The following PROX1 variants were observed in gnomAD, a reference collection of about 807,000 sequenced individuals.
PROX1 encodes prospero homeobox protein 1.
Under a neutral mutation model 58.8 loss-of-function variants are expected in PROX1, and 7 were observed. The ratio of observed to expected loss-of-function variants is 0.12; its 90% confidence interval spans 0.07 to 0.22. The LOEUF is 0.22. Ranked by LOEUF, PROX1 falls within the 10% of genes least tolerant of loss-of-function variation. The probability of loss-of-function intolerance (pLI) is 1.00; values close to 1 mark genes in which losing one functional copy is unlikely to be tolerated. For missense variants in PROX1, 675 were observed against 927.8 expected (o/e 0.73, Z 3.54); for synonymous variants, 350 against 358.3 (o/e 0.98, Z 0.26).
chr1:214,040,840 T>TGCATAATTTGCATATA lies in PROX1; in HGVS notation c.*5007_*5008insCATAATTTGCATATAG, dbSNP rs1478194758. 6.6e-6 allele frequency: 1 copy of TGCATAATTTGCATATA among 152,156 alleles called. No homozygotes were observed. The highest frequency in any genetic ancestry group is 1.5e-5 in the Non-Finnish European group (1 of 67,988). The allele number at this position is 152,156 out of a possible 1,614,324, so 9.4% of individuals were successfully genotyped here. On this transcript the variant is annotated 3_prime_UTR_variant, in exon 5 of 5. Transcript: ENST00000366958. Reference sequence around the variant, plus strand: ...GTTCTGAAGACTTTGCATAATTTATTGGTTTAATTTATCCTAATTTATTTG... The same window carrying TGCATAATTTGCATATA: ...GTTCTGAAGACTTTGCATAATTTATTGCATAATTTGCATATAGGTTTAATTTATCCTAATTTATTTG...
intron 4 of PROX1, among the ~76,000 whole-genome samples, chr1:214,019,919 C>T (rs1311667244): frequency 6.6e-6 from 1 of 152,198 alleles, no homozygotes; most frequent in African/African-American, 2.4e-5. Flanking sequence ...TCCTCGACTT[C>T]TGAACTCCAG....
At chr1:213,985,163 G>A (rs969276868), upstream of PROX1, 2 of 152,250 alleles carry the variant, frequency 1.3e-5, no homozygotes, top group Non-Finnish European at 2.9e-5. Flanking sequence ...TGGAAGTGGG[G>A]CGGAGGGAGG....
intron 1 of PROX1, among the ~76,000 whole-genome samples, chr1:213,991,546 C>T (rs1029468855): frequency 1.3e-5 from 2 of 152,130 alleles, no homozygotes; most frequent in Admixed American, 6.5e-5. Context: ...GTGCTTGGCA[C>T]TTATTGATAT....
upstream of PROX1, chr1:213,986,391 T>TC (rs1662826033): frequency 6.6e-6 from 1 of 152,206 alleles, no homozygotes; most frequent in South Asian, 2.1e-4. Flanking sequence ...GCCAAAAGTT[T>TC]CCTGCCGGGA....
At chr1:214,029,965 CA>C in intron 4 of PROX1, 1 of 152,662 alleles carries the variant, frequency 6.6e-6, no homozygotes, top group South Asian at 2.1e-4. Flanking sequence ...ATACCCGTAA[CA>C]AAAGCCCAAC....
chr1:213,995,859 A>C (rs1663243296), intron 1 of PROX1, among the ~76,000 whole-genome samples: 1 of 152,222 alleles, frequency 6.6e-6, no homozygotes. Flanking sequence ...TGCTAAACTG[A>C]CCATTTATGT....
At chr1:213,993,080 G>A (rs3767850) in intron 1 of PROX1, among the ~76,000 whole-genome samples, 19,456 of 152,110 alleles carry the variant, frequency 0.13, 1,494 homozygotes, top group East Asian at 0.21. Context: ...GTTAAGATAT[G>A]CATTGTATAA....
At chr1:214,021,288 C>T (rs1343895194) in intron 4 of PROX1, among the ~76,000 whole-genome samples, 3 of 152,174 alleles carry the variant, frequency 2.0e-5, no homozygotes, top group South Asian at 2.1e-4. Context: ...AAGTGTATTA[C>T]CTGCTGGGAA....
intron 4 of PROX1, among the ~76,000 whole-genome samples, chr1:214,013,996 G>A (rs1029604261): frequency 3.3e-5 from 5 of 152,000 alleles, no homozygotes; most frequent in East Asian, 1.9e-4. Flanking sequence ...CACGCGTACC[G>A]ACCACCACAC....
At position 214,038,035 on chromosome 1, in the gene PROX1, T is replaced by C. The variant is rs1571852024; in HGVS notation, c.*2201T>C. On this transcript the variant is annotated 3_prime_UTR_variant, in exon 5 of 5. Transcript: ENST00000366958. ...ACCTATGTAGACAGATTGCTAGATA[T>C]CTTTTTGATCTGGGGCGAGTTCAAT... is the stretch of plus-strand genomic sequence containing the variant. 1 of 152,214 alleles carries C rather than the reference T, an allele frequency of 6.6e-6. No homozygotes were observed. Among genetic ancestry groups the C allele is most frequent in the Admixed American group, 6.5e-5 (1 of 15,282 alleles). The allele number at this position is 152,214 out of a possible 1,614,324, so 9.4% of individuals were successfully genotyped here.
chr1:213,991,256 T>C (rs1558165922), intron 1 of PROX1, among the ~76,000 whole-genome samples: 1 of 152,318 alleles, frequency 6.6e-6, no homozygotes, highest in East Asian at 1.9e-4. Context: ...CTTTTAAAAT[T>C]ATCTTTAAAC....
chr1:214,026,000 T>A (rs1664444235), intron 4 of PROX1, among the ~76,000 whole-genome samples: 1 of 152,156 alleles, frequency 6.6e-6, no homozygotes, highest in African/African-American at 2.4e-5. Context: ...TTGGTCCAGC[T>A]CTTACCTGAA....
At chr1:214,001,334 T>A (rs1477799680) in intron 2 of PROX1, among the ~76,000 whole-genome samples, 4 of 152,246 alleles carry the variant, frequency 2.6e-5, no homozygotes, top group Non-Finnish European at 5.9e-5. Context: ...TTTAAAAATA[T>A]GTTCAGTATC....
intron 4 of PROX1, among the ~76,000 whole-genome samples, chr1:214,018,298 T>G (rs1664164464): frequency 6.6e-6 from 1 of 152,234 alleles, no homozygotes; most frequent in African/African-American, 2.4e-5. Flanking sequence ...ACATCAATAT[T>G]AATTTACAAT....
intron 3 of PROX1, among the ~76,000 whole-genome samples, chr1:214,009,154 G>A (rs575234025): frequency 6.6e-6 from 1 of 152,264 alleles, no homozygotes; most frequent in East Asian, 1.9e-4. Context: ...CCAGATTAAG[G>A]TGTCAGATTG....
intron 4 of PROX1, among the ~76,000 whole-genome samples, chr1:214,019,858 C>T (rs1664222154): frequency 6.6e-6 from 1 of 152,182 alleles, no homozygotes; most frequent in Non-Finnish European, 1.5e-5. Flanking sequence ...TTGCTCCGTT[C>T]TTTTGTGTAG....
At position 213,996,702 on chromosome 1, in the gene PROX1, AT is replaced by A; in HGVS notation, c.169del (p.Ser57GlnfsTer18). The A allele has an allele frequency of 6.2e-7, 1 of 1,614,190 alleles. No homozygotes were observed. The highest frequency in any genetic ancestry group is 8.5e-7 in the Non-Finnish European group (1 of 1,180,036). ...CAAGGTTCTGAGCAGGATGTTGAGT[AT>A]TCAGTGGTGCAGCATGCAGATGGGG... is the stretch of plus-strand genomic sequence containing the variant. ...NPQGSEQDVE[Y>X]SVVQHADGEK... On this transcript the variant is annotated frameshift_variant, in exon 2 of 5. Coordinates refer to ENST00000366958, the MANE Select transcript of PROX1 (RefSeq NM_001270616.2). LOFTEE classifies it high-confidence loss of function.
intron 4 of PROX1, among the ~76,000 whole-genome samples, chr1:214,024,075 G>GT (rs1558184857): frequency 1.3e-5 from 2 of 152,146 alleles, no homozygotes; most frequent in Non-Finnish European, 2.9e-5. Flanking sequence ...AACAAGGCCA[G>GT]TCCTAGGTAT....
intron 4 of PROX1, among the ~76,000 whole-genome samples, chr1:214,033,151 G>T (rs1664716772): frequency 6.6e-6 from 1 of 152,126 alleles, no homozygotes; most frequent in African/African-American, 2.4e-5. Flanking sequence ...GCCTTCTCTG[G>T]CTTCTCTGGG....
Sources: gnomAD v4.1 joint callset for allele counts (sites outside exome capture counted in the v4.1 genomes callset) on GRCh38, gnomAD v4.1.1 for gene constraint, MANE v1.5 for transcripts, NCBI Gene and HGNC (gene_info 2026-07-23, HGNC 2026-07-21) for gene names.